Variants in OR2L13 observed in about 807,000 individuals in gnomAD.
The protein encoded by OR2L13 is olfactory receptor family 2 subfamily L member 13.
A neutral mutation model predicts 15.3 loss-of-function variants in OR2L13; 14 were observed. That is an observed-to-expected ratio of 0.91 (90% CI 0.60 to 1.43). The LOEUF (loss-of-function observed/expected upper bound fraction) is 1.43. Among genes scored for constraint, OR2L13 ranks in the 40% most tolerant of loss-of-function variants. The pLI, the probability that OR2L13 is intolerant of heterozygous loss-of-function variation, is 0.00. For synonymous variants in OR2L13, 152 were observed against 142.9 expected (o/e 1.06, Z -0.45); for missense variants, 367 against 387.9 (o/e 0.95, Z 0.45).
the OR2L13 span, chr1:248,063,140 A>G: frequency 1.3e-5 from 2 of 152,224 alleles, no homozygotes; most frequent in Non-Finnish European, 1.5e-5. Flanking sequence ...GCAGAATGTC[A>G]TTGGTATTTT....
At chr1:248,058,798 A>G in the OR2L13 span, among the ~76,000 whole-genome samples, 2 of 152,034 alleles carry the variant, frequency 1.3e-5, no homozygotes, top group Non-Finnish European at 2.9e-5. Context: ...GAAAGTCCTT[A>G]AGCACATATT....
chr1:248,060,135 A>G, the OR2L13 span, among the ~76,000 whole-genome samples: 1 of 152,192 alleles, frequency 6.6e-6, no homozygotes, highest in Non-Finnish European at 1.5e-5. Context: ...ATGCATTTAT[A>G]CTGACTTTCT....
the OR2L13 span, among the ~76,000 whole-genome samples, chr1:248,008,556 A>G: frequency 6.6e-6 from 1 of 152,170 alleles, no homozygotes. Context: ...TTGTACTTAC[A>G]AAGAGGCTTA....
the OR2L13 span, among the ~76,000 whole-genome samples, chr1:247,973,596 G>C: frequency 3.3e-5 from 5 of 151,608 alleles, no homozygotes; most frequent in Non-Finnish European, 5.9e-5. Context: ...TGTTAAAGGA[G>C]AACTACAAAA....
At chr1:248,031,271 A>G in the OR2L13 span, among the ~76,000 whole-genome samples, 1 of 152,228 alleles carries the variant, frequency 6.6e-6, no homozygotes, top group Admixed American at 6.5e-5. Context: ...ATATGGTAGA[A>G]TTAGAGCCTT....
At chr1:248,049,455 T>C in the OR2L13 span, among the ~76,000 whole-genome samples, 1 of 152,258 alleles carries the variant, frequency 6.6e-6, no homozygotes, top group East Asian at 1.9e-4. Context: ...ACAGAGGAGA[T>C]TATATGGGTG....
chr1:248,030,108 T>C, the OR2L13 span: 1 of 152,042 alleles, frequency 6.6e-6, no homozygotes, highest in African/African-American at 2.4e-5. Flanking sequence ...GAAAAATGAA[T>C]ATATGCATTT....
the OR2L13 span, among the ~76,000 whole-genome samples, chr1:247,986,609 C>G: frequency 1.4e-4 from 21 of 152,010 alleles, no homozygotes; most frequent in African/African-American, 4.6e-4. Flanking sequence ...TTTTTTGGTT[C>G]CATATGAACT....
At chr1:248,007,091 G>A in the OR2L13 span, among the ~76,000 whole-genome samples, 1 of 152,144 alleles carries the variant, frequency 6.6e-6, no homozygotes, top group Non-Finnish European at 1.5e-5. Flanking sequence ...AGTGATTCAT[G>A]GAGGGAATCA....
chr1:248,069,209 A>C, the OR2L13 span, among the ~76,000 whole-genome samples: 1 of 152,194 alleles, frequency 6.6e-6, no homozygotes, highest in African/African-American at 2.4e-5. Context: ...AAAAAATGTT[A>C]AGGGCAGCCA....
chr1:248,080,418 T>C, the OR2L13 span, among the ~76,000 whole-genome samples: 2 of 152,206 alleles, frequency 1.3e-5, no homozygotes, highest in South Asian at 4.1e-4. Flanking sequence ...CCTAATGCTA[T>C]CCCTCCCCTA....
chr1:248,070,025 G>C, the OR2L13 span, among the ~76,000 whole-genome samples: 100 of 151,988 alleles, frequency 6.6e-4, no homozygotes, highest in Admixed American at 3.5e-3. Context: ...CAATAATAAT[G>C]GGAGACTTTA....
the OR2L13 span, among the ~76,000 whole-genome samples, chr1:247,974,405 G>T: frequency 1.3e-4 from 20 of 151,712 alleles, no homozygotes; most frequent in African/African-American, 4.9e-4. Flanking sequence ...CATTCAGCAC[G>T]TGTATCCCAG....
At chr1:248,023,044 T>C in the OR2L13 span, 1 of 643,380 alleles carries the variant, frequency 1.6e-6, no homozygotes, top group Non-Finnish European at 2.5e-6. Context: ...TTGCATATTC[T>C]AAGACATCTA....
chr1:247,945,003 T>C, the OR2L13 span, among the ~76,000 whole-genome samples: 32 of 152,284 alleles, frequency 2.1e-4, no homozygotes, highest in Admixed American at 5.2e-4. Context: ...TGTCTCCATG[T>C]CCTTCAGTTT....
the OR2L13 span, among the ~76,000 whole-genome samples, chr1:247,968,438 G>A: frequency 3.9e-4 from 60 of 152,102 alleles, no homozygotes; most frequent in African/African-American, 1.4e-3. Flanking sequence ...TTGGTTTGCT[G>A]CACCCATCAA....
chr1:248,018,014 GC>G, the OR2L13 span, among the ~76,000 whole-genome samples: 1 of 152,032 alleles, frequency 6.6e-6, no homozygotes, highest in South Asian at 2.1e-4. Flanking sequence ...AATTAGCCTG[GC>G]GTGGTGGTGG....
At chr1:248,074,197 C>T in the OR2L13 span, among the ~76,000 whole-genome samples, 1 of 152,020 alleles carries the variant, frequency 6.6e-6, no homozygotes, top group Non-Finnish European at 1.5e-5. Flanking sequence ...TAACATATAT[C>T]AATGACCAGT....
chr1:248,055,286 G>A, the OR2L13 span, among the ~76,000 whole-genome samples: 3 of 152,224 alleles, frequency 2.0e-5, no homozygotes, highest in Admixed American at 1.3e-4. Flanking sequence ...AGGGGATGAA[G>A]CTGACTTGAT....
Sources: allele counts gnomAD v4.1 joint callset (sites outside exome capture counted in the v4.1 genomes callset), GRCh38; gene constraint gnomAD v4.1.1; transcripts MANE v1.5; gene names NCBI Gene and HGNC (gene_info 2026-07-23, HGNC 2026-07-21).